Variants in PPP2R1B observed in about 807,000 individuals in gnomAD.
The protein encoded by PPP2R1B is serine/threonine-protein phosphatase 2A 65 kDa regulatory subunit A beta isoform.
In PPP2R1B, 58 loss-of-function variants were observed where a neutral mutation model predicts 72.7. That is an observed-to-expected ratio of 0.80 (90% CI 0.65 to 0.99). The LOEUF is 0.99. Among genes scored for constraint, PPP2R1B ranks in the 50% least tolerant of loss-of-function variants. The probability of loss-of-function intolerance (pLI) is 0.00; values close to 1 mark genes in which losing one functional copy is unlikely to be tolerated. For missense variants in PPP2R1B, 695 were observed against 733.6 expected (o/e 0.95, Z 0.61); for synonymous variants, 256 against 264.6 (o/e 0.97, Z 0.32).
chr11:111,716,996 A>C, the PPP2R1B span, among the ~76,000 whole-genome samples: 3 of 152,156 alleles, frequency 2.0e-5, no homozygotes, highest in Non-Finnish European at 4.4e-5. Flanking sequence ...AGAAGACCTC[A>C]TACAGCCAAC....
the PPP2R1B span, chr11:111,701,383 G>T: frequency 6.4e-7 from 1 of 1,554,934 alleles, no homozygotes; most frequent in Non-Finnish European, 8.7e-7. This position sits in a 1 kb window ranked among gnomAD's most constrained non-coding sequence, Gnocchi z 4.2. Context: ...GAGCCCTGGG[G>T]ATGTTCAGGA....
At chr11:111,714,852 G>A in the PPP2R1B span, among the ~76,000 whole-genome samples, 1 of 152,262 alleles carries the variant, frequency 6.6e-6, no homozygotes, top group Admixed American at 6.5e-5. Context: ...TCTGTCTGTG[G>A]TTGCTACTAC....
intron 3 of PPP2R1B, chr11:111,761,311 A>G: frequency 1.7e-6 from 1 of 589,832 alleles, no homozygotes; most frequent in Non-Finnish European, 3.2e-6. Context: ...ACACAGTGTA[A>G]AAGACTTGAC....
chr11:111,764,932 C>A, intron 2 of PPP2R1B, 27 bp from the exon 3 acceptor site: 2 of 1,610,620 alleles, frequency 1.2e-6, no homozygotes, highest in South Asian at 2.2e-5. Flanking sequence ...CAGGACTCAT[C>A]AACATGGATA....
At position 111,740,171 on chromosome 11, in the gene PPP2R1B, C is replaced by A. The variant is rs1296825664; in HGVS notation, c.*1425G>T. 3.0e-6 allele frequency: 3 copies of A among 985,228 alleles called. No homozygotes were observed. In the African/African-American group the frequency reaches 5.2e-5, roughly 17 times the overall value. The allele number at this position is 985,228 out of a possible 1,614,324, so 61.0% of individuals were successfully genotyped here. On this transcript the variant is annotated 3_prime_UTR_variant, in exon 15 of 15. Coordinates refer to ENST00000527614, the MANE Select transcript of PPP2R1B (RefSeq NM_002716.5). ...GAGAGAAAAATAAACTATGGGAAAA[C>A]CCCCTTAACCAAAAGTCATGAGACA...
rs782155126 is a variant in PPP2R1B, at chr11:111,752,343, A to G, written c.1165-11T>C. 15 of 1,593,316 alleles carry G rather than the reference A, an allele frequency of 9.4e-6. No individual in the cohort carries two copies. Among genetic ancestry groups the G allele is most frequent in the Admixed American group, 3.5e-5 (2 of 57,074 alleles). ...ACGAACGTCAGGACACTGCAAGTAC[A>G]CAAGCCCCAAAAGACCACATTTAAA... On this transcript the variant is annotated splice_polypyrimidine_tract_variant and intron_variant, in intron 9 of 14. Transcript: ENST00000527614.
intron 12 of PPP2R1B, among the ~76,000 whole-genome samples, chr11:111,743,137 GC>G (rs1355089989): frequency 6.6e-6 from 1 of 151,946 alleles, no homozygotes; most frequent in African/African-American, 2.4e-5. Flanking sequence ...CAGGTGATCT[GC>G]CCGCCTCAGC....
the PPP2R1B span, chr11:111,712,381 G>T: frequency 3.2e-5 from 51 of 1,611,916 alleles, no homozygotes; most frequent in Non-Finnish European, 4.3e-5. Context: ...CAAAGGTACG[G>T]CTATGTTTGA....
At chr11:111,692,368 AAAAAAAAAAAAAAAAAAAAACAC>A in the PPP2R1B span, among the ~76,000 whole-genome samples, 2 of 129,878 alleles carry the variant, frequency 1.5e-5, no homozygotes, top group Non-Finnish European at 3.3e-5. Flanking sequence ...AAAAAAAAAA[AAAAAAAAAAAAAAAAAAAAACAC>A]AAAAAGGAGA....
chr11:111,696,575 G>A, the PPP2R1B span, among the ~76,000 whole-genome samples: 3 of 152,292 alleles, frequency 2.0e-5, no homozygotes, highest in African/African-American at 4.8e-5. Flanking sequence ...ATCACAATTA[G>A]AGAAGACATT....
rs1944403948 is a variant in PPP2R1B at position 111,738,389 on chromosome 11, A to G, written c.*3207T>C. 4 of 985,534 alleles carry G rather than the reference A, an allele frequency of 4.1e-6. No individual in the cohort carries two copies. The highest frequency in any genetic ancestry group is 1.1e-4 in the East Asian group (1 of 8,824). 61.0% of individuals were successfully genotyped at this position (985,534 alleles called of 1,614,324 possible). ...TGCCATCGCCACAGGGACAGAGCCA[A>G]TGTGACGTCTAAGGGCAAGCCCCAG... On this transcript the variant is annotated 3_prime_UTR_variant, in exon 15 of 15. Transcript: ENST00000527614.
intron 15 of PPP2R1B, chr11:111,730,576 G>C (rs187628698): frequency 6.6e-6 from 1 of 152,042 alleles, no homozygotes; most frequent in East Asian, 1.9e-4. Context: ...TCTAACTGTA[G>C]TTATATTTTC....
chr11:111,737,696 A>G (rs1391050420), downstream of PPP2R1B: 17 of 1,501,478 alleles, frequency 1.1e-5, no homozygotes, highest in Non-Finnish European at 1.4e-5. Context: ...GCAGCAGCCT[A>G]CAAGTATATG....
At chr11:111,743,325 T>C (rs1944590507) in intron 12 of PPP2R1B, 51 bp downstream of exon 12, 1 of 1,499,298 alleles carries the variant, frequency 6.7e-7, no homozygotes, top group African/African-American at 1.4e-5. Flanking sequence ...TAGTCATGAA[T>C]AATTTTGCTT....
At chr11:111,719,422 C>T in the PPP2R1B span, among the ~76,000 whole-genome samples, 1 of 147,710 alleles carries the variant, frequency 6.8e-6, no homozygotes, top group Non-Finnish European at 1.5e-5. Context: ...TCATCTTCCC[C>T]CTCTTCATTT....
downstream of PPP2R1B, chr11:111,737,675 T>G (rs568812377): frequency 6.4e-7 from 1 of 1,559,842 alleles, no homozygotes; most frequent in African/African-American, 1.3e-5. Context: ...GCCAGCAGAG[T>G]TGGGTGTCCA....
In PPP2R1B at chr11:111,755,288, A is replaced by C; in HGVS notation, c.843+7T>G. 6.3e-7 allele frequency: 1 copy of C among 1,597,094 alleles called. No individual in the cohort carries two copies. The highest frequency in any genetic ancestry group is 2.2e-5 in the East Asian group (1 of 44,836). On this transcript the variant is annotated splice_region_variant and intron_variant, in intron 6 of 14. Coordinates refer to ENST00000527614, the MANE Select transcript of PPP2R1B (RefSeq NM_002716.5). ...ATTTCCTTAGTACTTAAAAATGATCACTTTACCTCTGAAAATCTGTCAGCC... is the reference window on the plus strand; with the variant it reads ...ATTTCCTTAGTACTTAAAAATGATCCCTTTACCTCTGAAAATCTGTCAGCC...
Position 111,740,483 on chromosome 11 carries a change from A to C in PPP2R1B, c.*1113T>G. 1.0e-6 allele frequency: 1 copy of C among 985,028 alleles called. No homozygotes were observed. Among genetic ancestry groups the C allele is most frequent in the African/African-American group, 1.7e-5 (1 of 57,354 alleles). 61.0% of individuals were successfully genotyped at this position (985,028 alleles called of 1,614,324 possible). On this transcript the variant is annotated 3_prime_UTR_variant, in exon 15 of 15. Transcript: ENST00000527614. ...GATCCCAAATAGGTGCTTTTTAAAA[A>C]GGGCTTTAATACTGTTTAAGTAGTT...
the PPP2R1B span, among the ~76,000 whole-genome samples, chr11:111,701,194 GTGT>G: frequency 6.6e-6 from 1 of 152,280 alleles, no homozygotes; most frequent in South Asian, 2.1e-4. This position sits in a 1 kb window ranked among gnomAD's most constrained non-coding sequence, Gnocchi z 4.2. Context: ...CTAAGGATAG[GTGT>G]TGTCATCCTA....
Sources: gnomAD v4.1 joint callset for allele counts (sites outside exome capture counted in the v4.1 genomes callset) on GRCh38, gnomAD v4.1.1 for gene constraint, Gnocchi (gnomAD v3.1) non-coding constraint, MANE v1.5 for transcripts, NCBI Gene and HGNC (gene_info 2026-07-23, HGNC 2026-07-21) for gene names.